XXYLT1: variants seen among roughly 807,000 people sequenced by gnomAD.
The protein encoded by XXYLT1 is xyloside xylosyltransferase 1, also known as UDP-xylose:alpha-xyloside alpha-1,3-xylosyltransferase.
XXYLT1 carries 20 observed loss-of-function variants against 28.9 expected under a neutral mutation model. That is an observed-to-expected ratio of 0.69 (90% CI 0.49 to 1.00). The LOEUF is 1.00. XXYLT1 is among the 50% of genes least tolerant of loss of function. XXYLT1 has a pLI of 0.00. For missense variants in XXYLT1, 542 were observed against 560.1 expected (o/e 0.97, Z 0.33); for synonymous variants, 257 against 253.8 (o/e 1.01, Z -0.12).
In XXYLT1 at chr3:195,090,397, G is replaced by A. The variant is rs1169939997; in HGVS notation, c.786-20286C>T. ...CTCACTCAAAACCACTCAACTACAC[G>A]GAAACTGAACAACCTGCTCCTGAAT... On this transcript the variant is annotated intron_variant, in intron 3 of 3. Transcript: ENST00000310380. 4.6e-5 allele frequency among the ~76,000 whole-genome samples: 7 copies of A among 150,858 alleles called. No individual in the cohort carries two copies. In the South Asian group the frequency reaches 6.3e-4, roughly 13 times the overall value.
At chr3:195,230,890 A>G (rs188255898) in intron 1 of XXYLT1, among the ~76,000 whole-genome samples, 10 of 152,228 alleles carry the variant, frequency 6.6e-5, no homozygotes, top group African/African-American at 1.9e-4. Context: ...TATAAATTTT[A>G]GGATTTTTTT....
intron 2 of XXYLT1, among the ~76,000 whole-genome samples, chr3:195,213,110 C>T (rs550702560): frequency 1.9e-4 from 29 of 152,298 alleles, no homozygotes; most frequent in East Asian, 1.9e-4. Flanking sequence ...GCACACCCAA[C>T]GACATGCTCT....
intron 1 of XXYLT1, among the ~76,000 whole-genome samples, chr3:195,235,961 T>C (rs1724524318): frequency 1.4e-5 from 2 of 146,992 alleles, no homozygotes; most frequent in Non-Finnish European, 3.0e-5. Context: ...CATAGAGATA[T>C]ACACCTGGCT....
At chr3:195,101,444 T>G (rs191326401) in intron 3 of XXYLT1, among the ~76,000 whole-genome samples, 2 of 152,340 alleles carry the variant, frequency 1.3e-5, no homozygotes, top group Non-Finnish European at 2.9e-5. Context: ...TCCTTCCCAT[T>G]TATTACTTTT....
chr3:195,219,488 G>A lies in XXYLT1; in HGVS notation c.652+7221C>T, dbSNP rs1446746177. On this transcript the variant is annotated intron_variant, in intron 2 of 3. Coordinates refer to ENST00000310380, the MANE Select transcript of XXYLT1 (RefSeq NM_152531.5). ...CTCAGTGTTTCAGGGCAGGCAGGCA[G>A]GAAGGGAAGAAGGAATGAGGAAGGG... Among the ~76,000 whole-genome samples the A allele has an allele frequency of 2.0e-5, 3 of 152,224 alleles. No individual in the cohort carries two copies. The East Asian group carries it at 5.8e-4, about 29-fold the overall frequency.
At chr3:195,268,704 C>T (rs1725923525) in intron 1 of XXYLT1, among the ~76,000 whole-genome samples, 1 of 152,168 alleles carries the variant, frequency 6.6e-6, no homozygotes, top group Non-Finnish European at 1.5e-5. Flanking sequence ...AAACCCTCAC[C>T]CCTCAACAGA....
chr3:195,073,035 G>A (rs1473713435), intron 3 of XXYLT1, among the ~76,000 whole-genome samples: 4 of 152,130 alleles, frequency 2.6e-5, no homozygotes, highest in Admixed American at 2.0e-4. Flanking sequence ...CTCCACCTCG[G>A]CTCCCTCTCC....
In XXYLT1 at chr3:195,257,815, G is replaced by C. The variant is rs531216590; in HGVS notation, c.504+12740C>G. Among the ~76,000 whole-genome samples, 6 of 152,064 alleles carry C rather than the reference G, an allele frequency of 3.9e-5. No homozygotes were observed. The highest frequency in any genetic ancestry group is 8.8e-5 in the Non-Finnish European group (6 of 68,002). On this transcript the variant is annotated intron_variant, in intron 1 of 3. Coordinates refer to ENST00000310380, the MANE Select transcript of XXYLT1 (RefSeq NM_152531.5). This position sits in a 1 kb window ranked among gnomAD's most constrained non-coding sequence, Gnocchi z 4.3. Reference sequence around the variant, plus strand: ...AAGACAGAGCCAGTCTGTGGCTCCAGCTGCCTGAGTTCCCTCATCTCTAAG... The same window carrying C: ...AAGACAGAGCCAGTCTGTGGCTCCACCTGCCTGAGTTCCCTCATCTCTAAG...
chr3:195,196,414 C>T (rs1013460582), intron 2 of XXYLT1, among the ~76,000 whole-genome samples: 28 of 152,164 alleles, frequency 1.8e-4, no homozygotes, highest in Admixed American at 1.3e-4. Flanking sequence ...TCCCCATCCC[C>T]GCCAGCATCA....
intron 2 of XXYLT1, among the ~76,000 whole-genome samples, chr3:195,158,562 C>T (rs964203919): frequency 2.0e-5 from 3 of 152,216 alleles, no homozygotes; most frequent in Non-Finnish European, 4.4e-5. Context: ...TCCTAAAGCA[C>T]CTTCCAGGAA....
chr3:195,137,714 A>G (rs1420779521), intron 3 of XXYLT1, among the ~76,000 whole-genome samples: 1 of 152,216 alleles, frequency 6.6e-6, no homozygotes, highest in Non-Finnish European at 1.5e-5. Flanking sequence ...TCGGACACGG[A>G]GAAAGGGAGA....
At position 195,270,886 on chromosome 3, in the gene XXYLT1, G is replaced by A; in HGVS notation, c.173C>T (p.Ala58Val). 1 of 1,439,100 alleles carries A rather than the reference G, an allele frequency of 6.9e-7. No homozygotes were observed. The allele number at this position is 1,439,100 out of a possible 1,614,324, so 89.1% of individuals were successfully genotyped here. A position where few individuals can be genotyped will look rare whatever the true frequency, so the allele number is the denominator to read the frequency against. ...FSSATKRLKE[A>V]RAGAPAAPSP... is the part of the protein sequence containing the mutation. ...GGGCGCGGCGGGAGCCCCGGCGCGG[G>A]CCTCCTTCAGCCTCTTGGTGGCGCT... The change falls in exon 1 of 4, where the codon GCC becomes GTC. Residue 58 changes from alanine (A) to valine (V), a missense_variant. Coordinates refer to ENST00000310380, the MANE Select transcript of XXYLT1 (RefSeq NM_152531.5).
chr3:195,137,448 C>A (rs1481110158), intron 3 of XXYLT1, among the ~76,000 whole-genome samples: 1 of 152,282 alleles, frequency 6.6e-6, no homozygotes, highest in East Asian at 1.9e-4. Flanking sequence ...CCATGTTTTC[C>A]CACATGGGTA....
chr3:195,113,207 T>C (rs927821387), intron 3 of XXYLT1, among the ~76,000 whole-genome samples: 1 of 152,112 alleles, frequency 6.6e-6, no homozygotes, highest in African/African-American at 2.4e-5. Context: ...TGGAGCCGCC[T>C]CAGGAAAACA....
At chr3:195,089,323 A>C (rs1715998855) in intron 3 of XXYLT1, among the ~76,000 whole-genome samples, 1 of 152,206 alleles carries the variant, frequency 6.6e-6, no homozygotes, top group African/African-American at 2.4e-5. Context: ...CTAACAGTGG[A>C]TCTCTCGGCA....
At chr3:195,218,769 G>T (rs1214039077) in intron 2 of XXYLT1, among the ~76,000 whole-genome samples, 10 of 150,974 alleles carry the variant, frequency 6.6e-5, no homozygotes, top group African/African-American at 2.4e-4. Flanking sequence ...ATTCCTCAGG[G>T]ATCTAGAACT....
rs143381526 is a variant in XXYLT1, at chr3:195,266,409, G to A, written c.504+4146C>T. 1.4e-4 allele frequency among the ~76,000 whole-genome samples: 22 copies of A among 151,986 alleles called. No homozygotes were observed. In the East Asian group the frequency reaches 3.7e-3, roughly 25 times the overall value. On this transcript the variant is annotated intron_variant, in intron 1 of 3. Coordinates refer to ENST00000310380, the MANE Select transcript of XXYLT1 (RefSeq NM_152531.5). ...CTCCGGAAGCTGAGACAGGAGAATC[G>A]CTTGAACCCGGGAGGCAGAGGTTGC...
At chr3:195,070,285 AC>A (rs56094105) in intron 3 of XXYLT1, among the ~76,000 whole-genome samples, 174 bp from the exon 4 acceptor site, 42,315 of 151,754 alleles carry the variant, frequency 0.28, 6,785 homozygotes, top group East Asian at 0.62. Context: ...AGGGCTCTGG[AC>A]CCCAAGCCTC....
Position 195,124,244 on chromosome 3 carries a change from G to A in XXYLT1, c.785+32205C>T, listed in dbSNP as rs1300599380. Among the ~76,000 whole-genome samples, 1 of 152,230 alleles carries A rather than the reference G, an allele frequency of 6.6e-6. No individual in the cohort carries two copies. Among genetic ancestry groups the A allele is most frequent in the Admixed American group, 6.5e-5 (1 of 15,288 alleles). ...TGGTTACGCAGTAAGCCAGATCTCAGGTAGAGTCCCTCATACTAAACGGCA... is the reference window on the plus strand; with the variant it reads ...TGGTTACGCAGTAAGCCAGATCTCAAGTAGAGTCCCTCATACTAAACGGCA... On this transcript the variant is annotated intron_variant, in intron 3 of 3. Transcript: ENST00000310380. This position sits in a 1 kb window ranked among gnomAD's most constrained non-coding sequence, Gnocchi z 4.1.
Sources: gnomAD v4.1 joint callset for allele counts (sites outside exome capture counted in the v4.1 genomes callset) on GRCh38, gnomAD v4.1.1 for gene constraint, Gnocchi (gnomAD v3.1) non-coding constraint, MANE v1.5 for transcripts, NCBI Gene and HGNC (gene_info 2026-07-23, HGNC 2026-07-21) for gene names.